CMSS1: variants seen among roughly 807,000 people sequenced by gnomAD.
The protein encoded by CMSS1 is protein CMSS1.
CMSS1 carries 33 observed loss-of-function variants against 43.5 expected under a neutral mutation model. The ratio of observed to expected loss-of-function variants is 0.76; its 90% CI spans 0.57 to 1.01. The LOEUF is 1.01. Among genes scored for constraint, CMSS1 ranks in the 50% least tolerant of loss-of-function variants. The pLI, the probability that CMSS1 is intolerant of heterozygous loss-of-function variation, is 0.00. For missense variants in CMSS1, 313 were observed against 326.4 expected (o/e 0.96, Z 0.32); for synonymous variants, 115 against 117.2 (o/e 0.98, Z 0.12).
At position 99,882,266 on chromosome 3, in the gene CMSS1, A is replaced by G. The variant is rs545127482; in HGVS notation, c.64+64223A>G. On this transcript the variant is annotated intron_variant, in intron 1 of 9. Coordinates refer to ENST00000421999, the MANE Select transcript of CMSS1 (RefSeq NM_032359.4). The stretch of plus-strand genomic sequence containing the variant: ...TTCGGTTCCAAATTCTGCTTTGTCC[A>G]TTATTTATGTAGTTAATTGCTTGAT... Among the ~76,000 whole-genome samples the G allele has an allele frequency of 4.5e-4, 68 of 152,296 alleles. 1 individual carries two copies. Among genetic ancestry groups the G allele is most frequent in the Admixed American group, 3.2e-3 (49 of 15,300 alleles).
At chr3:100,157,691 C>G (rs372840831) in intron 2 of CMSS1, among the ~76,000 whole-genome samples, 3 of 152,326 alleles carry the variant, frequency 2.0e-5, no homozygotes, top group African/African-American at 7.2e-5. Flanking sequence ...TGCCCTTTCT[C>G]CCCTGGCCCA....
At chr3:99,891,939 A>G (rs1404697137) in intron 1 of CMSS1, among the ~76,000 whole-genome samples, 3 of 152,238 alleles carry the variant, frequency 2.0e-5, no homozygotes, top group Non-Finnish European at 4.4e-5. Flanking sequence ...TAGAATAGCT[A>G]TGATTCACTA....
At chr3:99,989,922 C>T (rs150479698) in intron 1 of CMSS1, among the ~76,000 whole-genome samples, 49 of 152,072 alleles carry the variant, frequency 3.2e-4, no homozygotes, top group African/African-American at 1.1e-3. Context: ...TCCTTAGTTC[C>T]AAGACACCTG....
chr3:100,176,459 T>G (rs2067149234), intron 9 of CMSS1, 44 bp downstream of exon 9: 1 of 1,308,254 alleles, frequency 7.6e-7, no homozygotes, highest in Admixed American at 1.7e-5. Flanking sequence ...TTTTCTCTAT[T>G]TGAACTTGGT....
At chr3:100,099,821 A>C (rs1169595753) in intron 1 of CMSS1, among the ~76,000 whole-genome samples, 1 of 152,190 alleles carries the variant, frequency 6.6e-6, no homozygotes. Context: ...CCACTTAAGT[A>C]TGGTAAAGTA....
intron 1 of CMSS1, among the ~76,000 whole-genome samples, chr3:99,944,194 T>A (rs1212525515): frequency 6.6e-6 from 1 of 151,902 alleles, no homozygotes; most frequent in Admixed American, 6.6e-5. Context: ...ATTTTAAGAG[T>A]GTGTGTTATT....
intron 1 of CMSS1, among the ~76,000 whole-genome samples, chr3:100,006,328 C>T (rs1709984671): frequency 1.3e-5 from 2 of 152,082 alleles, no homozygotes. Flanking sequence ...CCTAAATAAT[C>T]TCCAGATTTC....
At chr3:99,930,647 C>A (rs1226768812) in intron 1 of CMSS1, 7 of 1,033,456 alleles carry the variant, frequency 6.8e-6, no homozygotes, top group Non-Finnish European at 1.4e-6. Flanking sequence ...TATACTTATG[C>A]TTTGCTTTCA....
intron 1 of CMSS1, chr3:100,010,229 A>G: frequency 1.7e-6 from 1 of 574,800 alleles, no homozygotes; most frequent in Non-Finnish European, 2.2e-6. Flanking sequence ...CATTTTTGTG[A>G]TTTCTCAGTA....
intron 6 of CMSS1, among the ~76,000 whole-genome samples, 158 bp downstream of exon 6, chr3:100,167,998 A>G (rs767770928): frequency 1.6e-4 from 25 of 152,228 alleles, no homozygotes; most frequent in Admixed American, 3.3e-4. Flanking sequence ...ATAATAAACA[A>G]ATGAAGATAC....
At chr3:100,043,025 C>T (rs1218913133) in intron 1 of CMSS1, among the ~76,000 whole-genome samples, 1 of 152,250 alleles carries the variant, frequency 6.6e-6, no homozygotes, top group African/African-American at 2.4e-5. Context: ...GTGCTGGTCA[C>T]AGCCTTCTTT....
chr3:100,026,815 C>A (rs567834544), intron 1 of CMSS1, among the ~76,000 whole-genome samples: 16 of 152,150 alleles, frequency 1.1e-4, no homozygotes, highest in Non-Finnish European at 2.1e-4. Context: ...TCCATTCTTT[C>A]TCTCCTGCAG....
intron 1 of CMSS1, among the ~76,000 whole-genome samples, chr3:99,980,027 G>A (rs1709075807): frequency 6.6e-6 from 1 of 151,868 alleles, no homozygotes; most frequent in Non-Finnish European, 1.5e-5. Flanking sequence ...AGCAGCACTG[G>A]GGGGAAAGAA....
At chr3:99,879,019 A>G (rs1006582996) in intron 1 of CMSS1, among the ~76,000 whole-genome samples, 3 of 152,210 alleles carry the variant, frequency 2.0e-5, no homozygotes, top group African/African-American at 7.2e-5. Context: ...AGAGAGTTTT[A>G]CTTCCTAACC....
chr3:99,905,772 A>T (rs1468239362), intron 1 of CMSS1, among the ~76,000 whole-genome samples: 1 of 152,204 alleles, frequency 6.6e-6, no homozygotes, highest in African/African-American at 2.4e-5. Flanking sequence ...TCTGTTTTGG[A>T]CTGCATGCAT....
At position 100,181,581 on chromosome 3, in the gene CMSS1, G is replaced by T. The variant is rs886180005; in HGVS notation, c.*3193G>T. 1.3e-5 allele frequency: 2 copies of T among 152,188 alleles called. No homozygotes were observed. The highest frequency in any genetic ancestry group is 4.8e-5 in the African/African-American group (2 of 41,448). The allele number at this position is 152,188 out of a possible 1,614,324, so 9.4% of individuals were successfully genotyped here. On this transcript the variant is annotated 3_prime_UTR_variant, in exon 10 of 10. Transcript: ENST00000421999. ...TTGTTGTATCTTTTTGGTTTCTTCA[G>T]ACCAGTGACAGTTCCTCAGTATTTC...
At chr3:100,065,596 T>C (rs1235955129) in intron 1 of CMSS1, among the ~76,000 whole-genome samples, 1 of 152,180 alleles carries the variant, frequency 6.6e-6, no homozygotes. Context: ...TCTTTCTTCC[T>C]AATGAAAAAA....
intron 1 of CMSS1, among the ~76,000 whole-genome samples, chr3:100,141,332 G>T (rs552476054): frequency 3.3e-5 from 5 of 152,198 alleles, no homozygotes; most frequent in Non-Finnish European, 7.3e-5. Context: ...CAAACTAAAT[G>T]TATGTGCAAC....
At chr3:100,122,260 C>T (rs570586545) in intron 1 of CMSS1, among the ~76,000 whole-genome samples, 1 of 152,302 alleles carries the variant, frequency 6.6e-6, no homozygotes, top group Non-Finnish European at 1.5e-5. Context: ...GGCAGTAAGA[C>T]AATTCTAGAC....
Sources: allele counts gnomAD v4.1 joint callset (sites outside exome capture counted in the v4.1 genomes callset), GRCh38; gene constraint gnomAD v4.1.1; transcripts MANE v1.5; gene names NCBI Gene and HGNC (gene_info 2026-07-23, HGNC 2026-07-21).